ADAMTSL1: variants seen among roughly 807,000 people sequenced by gnomAD.
ADAMTSL1 encodes the protein ADAMTS-like protein 1.
In ADAMTSL1, 126 loss-of-function variants were observed where a neutral mutation model predicts 201.8. The ratio of observed to expected loss-of-function variants is 0.62; its 90% CI spans 0.54 to 0.72. ADAMTSL1 has a LOEUF of 0.72. Ranked by LOEUF, ADAMTSL1 falls within the 30% of genes least tolerant of loss-of-function variation. The pLI, the probability that ADAMTSL1 is intolerant of heterozygous loss-of-function variation, is 0.00. For synonymous variants in ADAMTSL1, 1,121 were observed against 903.4 expected, an observed-to-expected ratio of 1.24 and a Z score of -4.32; for missense variants, 2,679 against 2,277.8, an observed-to-expected ratio of 1.18 and a Z score of -3.59.
intron 4 of ADAMTSL1, among the ~76,000 whole-genome samples, chr9:18,592,751 T>C (rs1232029747): frequency 6.6e-6 from 1 of 152,228 alleles, no homozygotes; most frequent in African/African-American, 2.4e-5. Context: ...TTTCTATTTC[T>C]GTGAAGAATG....
Position 18,592,364 on chromosome 9 carries a change from T to A in ADAMTSL1, c.474+18098T>A, listed in dbSNP as rs79563046. ...AAGATGACATTTCAAAATTATGATA[T>A]TTTTTCTGATCAGCTCATGAGGTAC... On this transcript the variant is annotated intron_variant, in intron 4 of 28. Transcript: ENST00000380548. Among the ~76,000 whole-genome samples the A allele has an allele frequency of 5.9e-3, 906 of 152,292 alleles. 3 individuals are homozygous for A. The highest frequency in any genetic ancestry group is 9.7e-3 in the Non-Finnish European group (657 of 68,026).
intron 1 of ADAMTSL1, among the ~76,000 whole-genome samples, chr9:18,478,700 G>T (rs1041147809): frequency 6.6e-6 from 1 of 152,188 alleles, no homozygotes; most frequent in Non-Finnish European, 1.5e-5. Flanking sequence ...TGACCCAGAA[G>T]TGACCTCTTC....
intron 4 of ADAMTSL1, among the ~76,000 whole-genome samples, chr9:18,583,116 A>G (rs1823223461): frequency 6.6e-6 from 1 of 152,152 alleles, no homozygotes; most frequent in Non-Finnish European, 1.5e-5. Flanking sequence ...GTACCAGTAG[A>G]GGAGGGTGCT....
chr9:18,215,658 A>G (rs1455084840), intron 2 of ADAMTSL1, among the ~76,000 whole-genome samples: 1 of 152,166 alleles, frequency 6.6e-6, no homozygotes, highest in Admixed American at 6.5e-5. Flanking sequence ...ATGGTTTATT[A>G]GCTTGGCTTA....
rs112890134 is a variant in ADAMTSL1, at chr9:18,782,048, A to G, written c.3677+4142A>G. On this transcript the variant is annotated intron_variant, in intron 19 of 28. Transcript: ENST00000380548. ...GTTTACAGGGTGTCCTTAGTGTGTTATGACTGGCTGGTTCATCATAATCCC... is the reference window on the plus strand; with the variant it reads ...GTTTACAGGGTGTCCTTAGTGTGTTGTGACTGGCTGGTTCATCATAATCCC... Among the ~76,000 whole-genome samples the G allele has an allele frequency of 6.4e-3, 982 of 152,310 alleles. 3 individuals are homozygous for G. Among genetic ancestry groups the G allele is most frequent in the Middle Eastern group, 0.037 (11 of 294 alleles).
intron 1 of ADAMTSL1, among the ~76,000 whole-genome samples, chr9:17,918,336 G>GT (rs1826182498): frequency 1.4e-5 from 1 of 73,032 alleles, no homozygotes; most frequent in South Asian, 4.1e-4. Context: ...ATTTCTATAT[G>GT]TATTTTTTTT....
intron 2 of ADAMTSL1, among the ~76,000 whole-genome samples, chr9:18,529,100 C>A (rs1401980182): frequency 6.6e-6 from 1 of 152,192 alleles, no homozygotes; most frequent in Non-Finnish European, 1.5e-5. Context: ...GTGGAATAGT[C>A]ACCTAGCTAC....
chr9:18,418,561 T>G (rs928358216), intron 2 of ADAMTSL1, among the ~76,000 whole-genome samples: 1 of 152,144 alleles, frequency 6.6e-6, no homozygotes, highest in Non-Finnish European at 1.5e-5. Context: ...AGTATTTCAA[T>G]TGGTAAATGA....
intron 21 of ADAMTSL1, among the ~76,000 whole-genome samples, chr9:18,820,817 A>G (rs553949734): frequency 3.9e-5 from 6 of 152,278 alleles, no homozygotes; most frequent in East Asian, 3.9e-4. Context: ...CTTGTTCTCT[A>G]TTTGTTCTCT....
chr9:18,386,975 G>T (rs1379936697), intron 2 of ADAMTSL1, among the ~76,000 whole-genome samples: 2 of 152,076 alleles, frequency 1.3e-5, no homozygotes, highest in African/African-American at 4.8e-5. Flanking sequence ...AAAGCAATTT[G>T]TCAGTACATA....
intron 2 of ADAMTSL1, among the ~76,000 whole-genome samples, chr9:18,416,525 A>G (rs913730980): frequency 2.2e-4 from 34 of 152,020 alleles, no homozygotes; most frequent in Admixed American, 6.6e-5. Flanking sequence ...TGCCTTCAAG[A>G]AGTATATTTT....
chr9:18,473,953 G>T, upstream of ADAMTSL1: 1 of 396,778 alleles, frequency 2.5e-6, no homozygotes, highest in Non-Finnish European at 4.5e-6. Flanking sequence ...CCCCTTTTTT[G>T]CTCGCACCGT....
intron 23 of ADAMTSL1, among the ~76,000 whole-genome samples, chr9:18,835,597 G>C (rs1228666649): frequency 1.3e-5 from 2 of 152,018 alleles, no homozygotes; most frequent in Non-Finnish European, 2.9e-5. Flanking sequence ...AGGTATGATT[G>C]ATCCCATCAC....
At chr9:18,463,350 T>C (rs886602182) in intron 2 of ADAMTSL1, among the ~76,000 whole-genome samples, 1 of 152,198 alleles carries the variant, frequency 6.6e-6, no homozygotes, top group African/African-American at 2.4e-5. Context: ...TTTATCGTCT[T>C]TTTTCTCTTC....
At position 18,322,577 on chromosome 9, in the gene ADAMTSL1, G is replaced by A. The variant is rs556969375; in HGVS notation, c.207+158596G>A. 9.9e-5 allele frequency among the ~76,000 whole-genome samples: 15 copies of A among 152,274 alleles called. No individual in the cohort carries two copies. The South Asian group carries it at 3.1e-3, about 32-fold the overall frequency. ...GAACCTGGGAAATAGAGGTTGCAGT[G>A]AGCCGAGATTGTGCCACTGCACACT... On this transcript the variant is annotated intron_variant, in intron 2 of 29. Coordinates refer to the ADAMTSL1 transcript ENST00000680146.
intron 2 of ADAMTSL1, among the ~76,000 whole-genome samples, chr9:18,287,357 A>G (rs1833031415): frequency 6.6e-6 from 1 of 152,032 alleles, no homozygotes; most frequent in African/African-American, 2.4e-5. Flanking sequence ...ATACACATAC[A>G]TACATATACA....
intron 1 of ADAMTSL1, among the ~76,000 whole-genome samples, chr9:18,497,943 G>T (rs1822614719): frequency 6.6e-6 from 1 of 152,138 alleles, no homozygotes; most frequent in Non-Finnish European, 1.5e-5. Flanking sequence ...TCGGATTTTT[G>T]TTTCCTAAAA....
chr9:18,846,693 T>G (rs891206904), intron 23 of ADAMTSL1, among the ~76,000 whole-genome samples: 1 of 152,140 alleles, frequency 6.6e-6, no homozygotes, highest in Non-Finnish European at 1.5e-5. Flanking sequence ...GTCCCCTGTT[T>G]AGGAAATTGT....
At chr9:18,059,917 A>G (rs1822375146) in intron 1 of ADAMTSL1, among the ~76,000 whole-genome samples, 1 of 152,178 alleles carries the variant, frequency 6.6e-6, no homozygotes, top group Non-Finnish European at 1.5e-5. Flanking sequence ...AAAGTCCTTA[A>G]CAAAGTTTTC....
Sources: gnomAD v4.1 joint callset for allele counts (sites outside exome capture counted in the v4.1 genomes callset) on GRCh38, gnomAD v4.1.1 for gene constraint, MANE v1.5 for transcripts, NCBI Gene and HGNC (gene_info 2026-07-23, HGNC 2026-07-21) for gene names.